LRRTM4: variants seen among roughly 807,000 people sequenced by gnomAD.
LRRTM4 encodes leucine-rich repeat transmembrane neuronal protein 4.
A neutral mutation model predicts 47.6 loss-of-function variants in LRRTM4; 25 were observed. The ratio of observed to expected loss-of-function variants is 0.53; its 90% CI spans 0.38 to 0.73. The LOEUF (loss-of-function observed/expected upper bound fraction) is 0.73, where lower values mean the gene tolerates loss of function less well. LRRTM4 is among the 30% of genes least tolerant of loss of function. The probability of loss-of-function intolerance (pLI) is 0.00; values close to 1 mark genes in which losing one functional copy is unlikely to be tolerated. For synonymous variants in LRRTM4, 311 were observed against 269.5 expected (o/e 1.15, Z -1.51); for missense variants, 638 against 713.4 (o/e 0.89, Z 1.20).
rs114554597 is a variant in LRRTM4 at position 77,350,794 on chromosome 2, C to T, written c.1551+167524G>A. Among the ~76,000 whole-genome samples the T allele has an allele frequency of 7.8e-3, 1,185 of 151,236 alleles. 8 individuals are homozygous for T. Among genetic ancestry groups the T allele is most frequent in the Non-Finnish European group, 0.013 (897 of 67,932 alleles). On this transcript the variant is annotated intron_variant, in intron 3 of 3. Coordinates refer to ENST00000409884, the MANE Select transcript of LRRTM4 (RefSeq NM_001134745.3). Reference sequence around the variant, plus strand: ...GAAAACAATCTAAAATATTCAGAAACCATATGAAATATTGCTCTGACTCAC... The same window carrying T: ...GAAAACAATCTAAAATATTCAGAAATCATATGAAATATTGCTCTGACTCAC...
At chr2:77,477,812 C>T (rs1412194303) in intron 3 of LRRTM4, among the ~76,000 whole-genome samples, 2 of 134,818 alleles carry the variant, frequency 1.5e-5, no homozygotes, top group African/African-American at 2.8e-5. Context: ...ACACTCCAGC[C>T]TGCGCAACAA....
chr2:76,840,543 C>G (rs906466085), intron 3 of LRRTM4, among the ~76,000 whole-genome samples: 5 of 152,094 alleles, frequency 3.3e-5, no homozygotes, highest in Non-Finnish European at 7.4e-5. Flanking sequence ...AAAGTTTAGT[C>G]TTCACATGCA....
intron 3 of LRRTM4, among the ~76,000 whole-genome samples, chr2:77,455,859 G>A (rs986875822): frequency 6.6e-6 from 1 of 151,904 alleles, no homozygotes; most frequent in Non-Finnish European, 1.5e-5. Flanking sequence ...CCACTCTCCC[G>A]ATATCACTCT....
At chr2:77,472,137 T>C (rs1364777457) in intron 3 of LRRTM4, among the ~76,000 whole-genome samples, 2 of 152,132 alleles carry the variant, frequency 1.3e-5, no homozygotes, top group African/African-American at 4.8e-5. Context: ...TGCTTTATGT[T>C]GGTGATTTTG....
intron 3 of LRRTM4, among the ~76,000 whole-genome samples, chr2:77,220,048 C>G (rs1160415660): frequency 6.6e-6 from 1 of 152,126 alleles, no homozygotes; most frequent in Admixed American, 6.6e-5. Context: ...TGTGGTTCAC[C>G]AATATCTGCT....
intron 3 of LRRTM4, among the ~76,000 whole-genome samples, chr2:77,141,477 G>A (rs546942486): frequency 9.3e-5 from 13 of 140,216 alleles, no homozygotes; most frequent in African/African-American, 2.1e-4. Context: ...GTCATGGGGT[G>A]GGGGGAGGGT....
At chr2:77,241,378 C>A (rs981402880) in intron 3 of LRRTM4, among the ~76,000 whole-genome samples, 3 of 152,006 alleles carry the variant, frequency 2.0e-5, no homozygotes, top group Admixed American at 1.3e-4. Flanking sequence ...CAAAATATCT[C>A]AATGCATACC....
intron 3 of LRRTM4, among the ~76,000 whole-genome samples, chr2:76,914,960 T>C (rs1463041178): frequency 6.6e-6 from 1 of 152,226 alleles, no homozygotes; most frequent in African/African-American, 2.4e-5. Flanking sequence ...ATGGTACTCC[T>C]TTTCTTTGTT....
At chr2:76,764,046 T>C (rs1009922305) in intron 3 of LRRTM4, among the ~76,000 whole-genome samples, 1 of 152,108 alleles carries the variant, frequency 6.6e-6, no homozygotes. Flanking sequence ...GAATGTGTTG[T>C]AGTGTTTAGA....
chr2:77,441,801 T>C (rs1180285265), intron 3 of LRRTM4, among the ~76,000 whole-genome samples: 2 of 152,228 alleles, frequency 1.3e-5, no homozygotes, highest in East Asian at 3.9e-4. Context: ...AAACTTGTTA[T>C]TTCTGCTGGC....
chr2:77,031,468 C>T (rs899370282), intron 3 of LRRTM4, among the ~76,000 whole-genome samples: 1 of 152,062 alleles, frequency 6.6e-6, no homozygotes, highest in African/African-American at 2.4e-5. Context: ...TAGTTATTTC[C>T]TAATTTTTCC....
chr2:77,175,143 C>T (rs927510261), intron 3 of LRRTM4, among the ~76,000 whole-genome samples: 1 of 149,790 alleles, frequency 6.7e-6, no homozygotes, highest in Non-Finnish European at 1.5e-5. Flanking sequence ...TATCTCTGCT[C>T]ACTGCAACCT....
intron 3 of LRRTM4, among the ~76,000 whole-genome samples, chr2:76,962,949 G>A (rs1041025269): frequency 2.0e-5 from 3 of 150,124 alleles, no homozygotes; most frequent in African/African-American, 4.9e-5. Context: ...ACACAAACAC[G>A]TGCACCATCA....
intron 3 of LRRTM4, among the ~76,000 whole-genome samples, chr2:77,351,076 C>A (rs777134474): frequency 1.3e-5 from 2 of 152,048 alleles, no homozygotes; most frequent in South Asian, 2.1e-4. Context: ...CCTCCCACCC[C>A]GTATGCTCAT....
At chr2:77,108,551 T>C (rs1311756049) in intron 3 of LRRTM4, among the ~76,000 whole-genome samples, 1 of 150,242 alleles carries the variant, frequency 6.7e-6, no homozygotes, top group Non-Finnish European at 1.5e-5. Flanking sequence ...GAAATAGTTA[T>C]TTAATTTTTT....
intron 3 of LRRTM4, among the ~76,000 whole-genome samples, chr2:77,149,320 T>C (rs927599157): frequency 6.6e-6 from 1 of 152,200 alleles, no homozygotes; most frequent in African/African-American, 2.4e-5. Context: ...TCAGTTTTTT[T>C]TTAATTTGTA....
At chr2:77,358,473 C>T (rs1300694656) in intron 3 of LRRTM4, among the ~76,000 whole-genome samples, 1 of 152,162 alleles carries the variant, frequency 6.6e-6, no homozygotes, top group Non-Finnish European at 1.5e-5. Context: ...GAATCCAGCC[C>T]AAACACCTCT....
chr2:76,895,787 GA>G (rs112156781), intron 3 of LRRTM4, among the ~76,000 whole-genome samples: 19,179 of 152,040 alleles, frequency 0.13, 2,682 homozygotes, highest in African/African-American at 0.33. Context: ...AAAAAATTAA[GA>G]AAATGGCTAA....
chr2:76,917,252 G>T (rs2103797737), intron 3 of LRRTM4, among the ~76,000 whole-genome samples: 1 of 152,258 alleles, frequency 6.6e-6, no homozygotes, highest in East Asian at 1.9e-4. Context: ...AGGCAGATTT[G>T]ACTGGGCCTG....
Sources: gnomAD v4.1 joint callset for allele counts (sites outside exome capture counted in the v4.1 genomes callset) on GRCh38, gnomAD v4.1.1 for gene constraint, MANE v1.5 for transcripts, NCBI Gene and HGNC (gene_info 2026-07-23, HGNC 2026-07-21) for gene names.